MUC6: variants seen among roughly 807,000 people sequenced by gnomAD.
MUC6 encodes the protein mucin 6, oligomeric mucus/gel-forming (gene/pseudogene).
MUC6 carries 188 observed loss-of-function variants against 201.5 expected under a neutral mutation model. The observed-to-expected ratio is 0.93, with a 90% CI of 0.83 to 1.05. The LOEUF (loss-of-function observed/expected upper bound fraction) is 1.05, where lower values mean the gene tolerates loss of function less well. MUC6 is among the 50% of genes least tolerant of loss of function. The probability of loss-of-function intolerance (pLI) is 0.00; values close to 1 mark genes in which losing one functional copy is unlikely to be tolerated. For synonymous variants in MUC6, 1,228 were observed against 1,389.4 expected (o/e 0.88, Z 2.58); for missense variants, 2,706 against 3,256.9 (o/e 0.83, Z 4.12).
At chr11:1,030,429 C>A in intron 7 of MUC6, 94 bp from the exon 8 acceptor site, 1 of 1,446,512 alleles carries the variant, frequency 6.9e-7, no homozygotes. Context: ...CCAGCCCTTC[C>A]TCCATCTAGA....
Position 1,028,357 on chromosome 11 carries a change from G to A in MUC6, c.1622C>T (p.Thr541Met), listed in dbSNP as rs753925522. The change falls in exon 14 of 33, where the codon ACG (threonine) becomes ATG (methionine). Residue 541 changes from threonine (T) to methionine (M), a missense_variant. By Grantham distance (81) the Thr-to-Met change is moderately conservative. Around this residue, in one of 10 missense-constraint regions of MUC6, gnomAD observed 1,850 missense variants for 1,958.3 expected, o/e 0.94. Transcript: ENST00000421673. ...ACCCATGCTAGTGGTGAAGTCATCCGTTGTGTCCCCGTTGAAGTTGCCGCA... is the reference window on the plus strand; with the variant it reads ...ACCCATGCTAGTGGTGAAGTCATCCATTGTGTCCCCGTTGAAGTTGCCGCA... ...GLCGNFNGDT[T>M]DDFTTSMGIA... 21 of 1,612,494 alleles carry A rather than the reference G, an allele frequency of 1.3e-5. No homozygotes were observed. The highest frequency in any genetic ancestry group is 6.7e-5 in the Admixed American group (4 of 59,996).
rs1856940194 is a variant in MUC6 at position 1,025,720 on chromosome 11, G to A, written c.2799+85C>T. On this transcript the variant is annotated intron_variant, in intron 22 of 32. Coordinates refer to ENST00000421673, the MANE Select transcript of MUC6 (RefSeq NM_005961.3). The stretch of plus-strand genomic sequence containing the variant: ...AGGGCTGCATCTCGGGGCAGGACCT[G>A]GAGGCTCCAGTGCGCGGGATCCAGC... 57 of 1,284,600 alleles carry A rather than the reference G, an allele frequency of 4.4e-5. No homozygotes were observed. In the South Asian group the frequency reaches 6.8e-4, roughly 15 times the overall value. The allele number at this position is 1,284,600 out of a possible 1,614,324, so 79.6% of individuals were successfully genotyped here.
chr11:1,019,602 G>T, intron 29 of MUC6, 106 bp from the exon 30 acceptor site: 1 of 1,034,456 alleles, frequency 9.7e-7, no homozygotes, highest in South Asian at 1.4e-5. Context: ...CCTGCTGTCC[G>T]GGACTCAGCC....
Position 1,033,374 on chromosome 11 carries a change from G to T in MUC6, c.53-299C>A, listed in dbSNP as rs1390200314. 6.6e-6 allele frequency among the ~76,000 whole-genome samples: 1 copy of T among 152,256 alleles called. No homozygotes were observed. Among genetic ancestry groups the T allele is most frequent in the South Asian group, 2.1e-4 (1 of 4,822 alleles). Reference sequence around the variant, plus strand: ...AGATGGCGGGCACCCTGTGTGCAGGGTACTCATCCCTGGGGCTTCTGGGTG... The same window carrying T: ...AGATGGCGGGCACCCTGTGTGCAGGTTACTCATCCCTGGGGCTTCTGGGTG... On this transcript the variant is annotated intron_variant, in intron 1 of 32. Coordinates refer to ENST00000421673, the MANE Select transcript of MUC6 (RefSeq NM_005961.3). The surrounding 1 kb of genome is among the most constrained non-coding windows in gnomAD (Gnocchi z 5.6).
At position 1,019,372 on chromosome 11, in the gene MUC6, C is replaced by G; in HGVS notation, c.3933G>C (p.Ser1311=). ...TGGACGTCGTGGCTGGGCTGGCGGT[C>G]GACGCCGTGGCCCTGGTTGTGGCCT... The part of the protein sequence containing the change: ...VTQATTRATA[S]TASPATTSTA... Residue 1311 remains serine, a synonymous_variant, in exon 30 of 33, where the codon TCG becomes TCC. Transcript: ENST00000421673. 1 of 1,613,630 alleles carries G rather than the reference C, an allele frequency of 6.2e-7. No individual in the cohort carries two copies. Among genetic ancestry groups the G allele is most frequent in the Non-Finnish European group, 8.5e-7 (1 of 1,179,716 alleles).
chr11:1,020,188 C>T lies in MUC6; in HGVS notation c.3710G>A (p.Gly1237Glu). 1 of 1,612,204 alleles carries T rather than the reference C, an allele frequency of 6.2e-7. No homozygotes were observed. The highest frequency in any genetic ancestry group is 8.5e-7 in the Non-Finnish European group (1 of 1,179,624). ...STTIGLLSST[G>E]PSPSSNHTPA... ...GGTGTGATTAGAGCTGGGTGAGGGTCCGGTGGAGCTGAGAAGCCCGATGGT... is the reference window on the plus strand; with the variant it reads ...GGTGTGATTAGAGCTGGGTGAGGGTTCGGTGGAGCTGAGAAGCCCGATGGT... The change falls in exon 29 of 33, where the codon GGA becomes GAA. Residue 1237 changes from glycine (G) to glutamate (E), a missense_variant. By Grantham distance (98) the Gly-to-Glu change is moderately conservative. This residue lies in a region of MUC6 where 1,850 missense variants were observed against 1,958.3 expected (regional missense o/e 0.94). Coordinates refer to ENST00000421673, the MANE Select transcript of MUC6 (RefSeq NM_005961.3).
chr11:1,028,429 C>G (rs763881512), intron 13 of MUC6, 42 bp from the exon 14 acceptor site: 2 of 1,600,240 alleles, frequency 1.2e-6, no homozygotes, highest in African/African-American at 1.3e-5. Flanking sequence ...CCCATCCCTC[C>G]TGCACCCATT....
chr11:1,019,301 G>T lies in MUC6; in HGVS notation c.4004C>A (p.Ala1335Asp), dbSNP rs1226234660. 1 of 1,614,048 alleles carries T rather than the reference G, an allele frequency of 6.2e-7. No homozygotes were observed. The highest frequency in any genetic ancestry group is 1.7e-5 in the Admixed American group (1 of 60,026). The change falls in exon 30 of 33, where the codon GCC becomes GAC. Residue 1335 changes from alanine to aspartate, a missense_variant. By Grantham distance (126) the Ala-to-Asp change is moderately radical. Around this residue, in one of 10 missense-constraint regions of MUC6, gnomAD observed 1,850 missense variants for 1,958.3 expected, o/e 0.94. Coordinates refer to ENST00000421673, the MANE Select transcript of MUC6 (RefSeq NM_005961.3). ...TRTTMTLPTP[A>D]TSGTSPTLPK... is the part of the protein sequence containing the mutation. Reference sequence around the variant, plus strand: ...CAGCGTGGGGCTTGTCCCTGATGTGGCTGGGGTTGGTAGTGTCATTGTGGT... The same window carrying T: ...CAGCGTGGGGCTTGTCCCTGATGTGTCTGGGGTTGGTAGTGTCATTGTGGT...
Position 1,020,828 on chromosome 11 carries a change from C to A in MUC6, c.3590-94G>T. 14 of 1,478,634 alleles carry A rather than the reference C, an allele frequency of 9.5e-6. No individual in the cohort carries two copies. In the South Asian group the frequency reaches 1.6e-4, roughly 17 times the overall value. 91.6% of individuals were successfully genotyped at this position (1,478,634 alleles called of 1,614,324 possible). A position where few individuals can be genotyped will look rare whatever the true frequency, so the allele number is the denominator to read the frequency against. On this transcript the variant is annotated intron_variant, in intron 27 of 32. Coordinates refer to ENST00000421673, the MANE Select transcript of MUC6 (RefSeq NM_005961.3). ...TCCGAGGGCCTGAGTCAGAGATGCT[C>A]ACCAAGGCTGTGGTGGAGGGGACTG...
intron 2 of MUC6, 150 bp downstream of exon 2, chr11:1,032,863 T>C (rs1378359999): frequency 3.2e-6 from 2 of 615,476 alleles, no homozygotes; most frequent in Admixed American, 6.1e-5. Flanking sequence ...TGTGTGTGTG[T>C]TGGGTGTATG....
rs567931110 is a variant in MUC6 at position 1,024,445 on chromosome 11, G to A, written c.3226-342C>T. Among the ~76,000 whole-genome samples the A allele has an allele frequency of 5.9e-5, 9 of 152,310 alleles. No homozygotes were observed. The South Asian group carries it at 1.9e-3, about 32-fold the overall frequency. ...CAGTGCCATGCTGTTCCCCCGCGGG[G>A]TGCCCCCATCCTCTCAGTTCTTACT... On this transcript the variant is annotated intron_variant, in intron 24 of 32. Transcript: ENST00000421673.
At chr11:1,028,622 C>T (rs1248674404) in intron 13 of MUC6, 24 bp downstream of exon 13, 5 of 1,601,692 alleles carry the variant, frequency 3.1e-6, no homozygotes, top group South Asian at 1.1e-5. Context: ...GGCAACAGGG[C>T]CACCTGGAGA....
intron 14 of MUC6, 33 bp downstream of exon 14, chr11:1,028,193 G>A (rs1281463842): frequency 6.5e-7 from 1 of 1,546,506 alleles, no homozygotes; most frequent in Non-Finnish European, 8.7e-7. Context: ...GCGCTGGGGG[G>A]GCAGCCAGGG....
At chr11:1,023,434 G>A (rs1856871484) in intron 26 of MUC6, 75 bp downstream of exon 26, 1 of 1,487,118 alleles carries the variant, frequency 6.7e-7, no homozygotes, top group Non-Finnish European at 9.1e-7. Context: ...ATGAATGCGT[G>A]TGAATGAATG....
At position 1,014,177 on chromosome 11, in the gene MUC6, C is replaced by G. The variant is rs546525215; in HGVS notation, c.7040-176G>C. On this transcript the variant is annotated intron_variant, in intron 31 of 32. Transcript: ENST00000421673. ...CCTCAGCCATACACAAAGGCAAAGG[C>G]CAGCCGCATCCTAGTTTGTTTTTTC... 3.9e-5 allele frequency among the ~76,000 whole-genome samples: 6 copies of G among 152,370 alleles called. No individual in the cohort carries two copies. In the South Asian group the frequency reaches 1.2e-3, roughly 32 times the overall value.
In MUC6 at chr11:1,029,628, GTCT is replaced by G. The variant is rs1564843685; in HGVS notation, c.1016-16_1016-14del. Reference sequence around the variant, plus strand: ...TTCAGGACCGTACCTGCAGGAGAGGGTCTTCTTGGGGCTTGGGTGGGACTGACT... The same window carrying G: ...TTCAGGACCGTACCTGCAGGAGAGGGTCTTGGGGCTTGGGTGGGACTGACT... On this transcript the variant is annotated splice_polypyrimidine_tract_variant and intron_variant, in intron 8 of 32. Coordinates refer to ENST00000421673, the MANE Select transcript of MUC6 (RefSeq NM_005961.3). The G allele has an allele frequency of 1.9e-6, 3 of 1,561,306 alleles. No individual in the cohort carries two copies. Among genetic ancestry groups the G allele is most frequent in the Non-Finnish European group, 1.7e-6 (2 of 1,149,930 alleles).
At chr11:1,031,484 G>A in intron 4 of MUC6, 123 bp downstream of exon 4, 1 of 1,446,154 alleles carries the variant, frequency 6.9e-7, no homozygotes, top group Non-Finnish European at 9.2e-7. Context: ...TTGGCACGAA[G>A]GGCCTGGCTG....
rs1421138961 is a variant in MUC6, at chr11:1,033,459, T to C, written c.53-384A>G. ...TGGCGGCGGAGCCAACAAAGTGGGCTGTGCCCGCCTCCCCAGCTTGGCCGC... is the reference window on the plus strand; with the variant it reads ...TGGCGGCGGAGCCAACAAAGTGGGCCGTGCCCGCCTCCCCAGCTTGGCCGC... On this transcript the variant is annotated intron_variant, in intron 1 of 32. Transcript: ENST00000421673. This position sits in a 1 kb window ranked among gnomAD's most constrained non-coding sequence, Gnocchi z 5.6. 6.7e-6 allele frequency among the ~76,000 whole-genome samples: 1 copy of C among 148,340 alleles called. No homozygotes were observed. The highest frequency in any genetic ancestry group is 1.5e-5 in the Non-Finnish European group (1 of 65,540).
At chr11:1,031,119 CCCCCACCTA>C in intron 5 of MUC6, 41 bp downstream of exon 5, 1 of 495,102 alleles carries the variant, frequency 2.0e-6, no homozygotes, top group Middle Eastern at 6.9e-4. Flanking sequence ...CCTGCCCTGC[CCCCCACCTA>C]GAGGCCCCCC....
Sources: gnomAD v4.1 joint callset for allele counts (sites outside exome capture counted in the v4.1 genomes callset) on GRCh38, gnomAD v4.1.1 for gene constraint, gnomAD v4.1.1 regional missense constraint, Gnocchi (gnomAD v3.1) non-coding constraint, MANE v1.5 for transcripts, NCBI Gene and HGNC (gene_info 2026-07-23, HGNC 2026-07-21) for gene names.